Variants in COL26A1 observed in about 807,000 individuals in gnomAD.
COL26A1 encodes collagen alpha-1(XXVI) chain.
Under a neutral mutation model 59.3 loss-of-function variants are expected in COL26A1, and 41 were observed. That is an observed-to-expected ratio of 0.69 (90% CI 0.54 to 0.90). The LOEUF (loss-of-function observed/expected upper bound fraction) is 0.90, where lower values mean the gene tolerates loss of function less well. Ranked by LOEUF, COL26A1 falls within the 40% of genes least tolerant of loss-of-function variation. The pLI, the probability that COL26A1 is intolerant of heterozygous loss-of-function variation, is 0.00. For missense variants in COL26A1, 612 were observed against 602.3 expected (o/e 1.02, Z -0.17); for synonymous variants, 266 against 256.0 (o/e 1.04, Z -0.37).
chr7:101,516,751 C>A (rs188379193), intron 3 of COL26A1, among the ~76,000 whole-genome samples: 1 of 152,104 alleles, frequency 6.6e-6, no homozygotes, highest in Non-Finnish European at 1.5e-5. Flanking sequence ...CACAGCGTGT[C>A]GGGGGCAGGG....
At chr7:101,501,217 G>GAAAAA (rs111556828) in intron 3 of COL26A1, among the ~76,000 whole-genome samples, 111 of 112,672 alleles carry the variant, frequency 9.9e-4, no homozygotes, top group East Asian at 4.7e-3. Flanking sequence ...GAAAAGAAAA[G>GAAAAA]AAAAAAAAAA....
At chr7:101,546,223 C>A (rs17135611) in intron 7 of COL26A1, among the ~76,000 whole-genome samples, 1 of 151,994 alleles carries the variant, frequency 6.6e-6, no homozygotes, top group Non-Finnish European at 1.5e-5. Flanking sequence ...TTAAGTGTCC[C>A]GGCAACTGGG....
chr7:101,400,153 G>A (rs913641482), intron 1 of COL26A1, among the ~76,000 whole-genome samples: 8 of 152,106 alleles, frequency 5.3e-5, no homozygotes, highest in Admixed American at 2.0e-4. Context: ...GGCCCTCAGG[G>A]AGGCAGGGGT....
intron 1 of COL26A1, among the ~76,000 whole-genome samples, chr7:101,416,842 C>T (rs927330358): frequency 4.2e-5 from 6 of 143,210 alleles, no homozygotes; most frequent in Non-Finnish European, 7.9e-5. Context: ...TGTGCTCCAG[C>T]GATCCTCCTG....
At chr7:101,421,502 C>G (rs1286259609) in intron 2 of COL26A1, among the ~76,000 whole-genome samples, 2 of 152,036 alleles carry the variant, frequency 1.3e-5, no homozygotes, top group Admixed American at 1.3e-4. Context: ...TGGCGAAACC[C>G]AGTTTCTACT....
At chr7:101,446,788 A>C (rs1334571534) in intron 2 of COL26A1, among the ~76,000 whole-genome samples, 3 of 151,940 alleles carry the variant, frequency 2.0e-5, no homozygotes, top group Non-Finnish European at 4.4e-5. Flanking sequence ...CAGAGGTTGC[A>C]GTGAGCCCAG....
intron 1 of COL26A1, among the ~76,000 whole-genome samples, chr7:101,391,837 G>C (rs543465873): frequency 1.9e-4 from 29 of 150,620 alleles, no homozygotes; most frequent in South Asian, 6.3e-4. Flanking sequence ...TTATAGGCAT[G>C]AGCCACCATG....
intron 3 of COL26A1, among the ~76,000 whole-genome samples, chr7:101,503,303 C>T (rs1563015983): frequency 6.6e-6 from 1 of 152,172 alleles, no homozygotes; most frequent in Non-Finnish European, 1.5e-5. Context: ...ATATAAACAG[C>T]ACTTCTCAAA....
intron 2 of COL26A1, among the ~76,000 whole-genome samples, chr7:101,424,006 C>G (rs1401658467): frequency 6.6e-6 from 1 of 151,596 alleles, no homozygotes; most frequent in Non-Finnish European, 1.5e-5. Context: ...GAGCTCGAGA[C>G]CAGCCTGGGC....
chr7:101,412,424 C>G (rs1345232413), intron 1 of COL26A1, among the ~76,000 whole-genome samples: 1 of 152,074 alleles, frequency 6.6e-6, no homozygotes, highest in African/African-American at 2.4e-5. Context: ...GCGGGCAGAT[C>G]ATTTGAGGTC....
chr7:101,518,683 A>C (rs1795080462), intron 3 of COL26A1, among the ~76,000 whole-genome samples: 1 of 152,224 alleles, frequency 6.6e-6, no homozygotes, highest in African/African-American at 2.4e-5. Context: ...AAATCCACCC[A>C]AGAGAAGCAA....
At chr7:101,384,214 T>C (rs1791512823) in intron 1 of COL26A1, among the ~76,000 whole-genome samples, 1 of 149,178 alleles carries the variant, frequency 6.7e-6, no homozygotes, top group Middle Eastern at 3.5e-3. Context: ...GGGGTCTTCC[T>C]ATATTGTTCA....
intron 3 of COL26A1, among the ~76,000 whole-genome samples, chr7:101,457,663 C>G (rs903457832): frequency 1.3e-5 from 2 of 152,200 alleles, no homozygotes; most frequent in African/African-American, 2.4e-5. Context: ...GGCAGTTTCA[C>G]TAGAAAGCAC....
rs28600854 is a variant in COL26A1 at position 101,444,982 on chromosome 7, A to G, written c.282-2702A>G. Among the ~76,000 whole-genome samples, 199 of 151,902 alleles carry G rather than the reference A, an allele frequency of 1.3e-3. 1 individual carries two copies. Among genetic ancestry groups the G allele is most frequent in the African/African-American group, 4.5e-3 (188 of 41,424 alleles). The stretch of plus-strand genomic sequence containing the variant: ...CAGCCTCCTGAGTAGCTGGGACTAC[A>G]GGTGCCTGCCATCATGCCTGGCTAA... On this transcript the variant is annotated intron_variant, in intron 2 of 12. Transcript: ENST00000313669.
intron 3 of COL26A1, among the ~76,000 whole-genome samples, chr7:101,485,491 G>A (rs928070952): frequency 4.6e-5 from 7 of 152,184 alleles, no homozygotes; most frequent in African/African-American, 2.4e-5. Context: ...ACGCTTGTGA[G>A]CTAATGGACC....
chr7:101,467,863 T>C (rs567388771), intron 3 of COL26A1, among the ~76,000 whole-genome samples: 3 of 151,858 alleles, frequency 2.0e-5, no homozygotes, highest in Non-Finnish European at 4.4e-5. Context: ...CGAGACTCCG[T>C]CTCAAAAGAA....
At chr7:101,471,958 G>A (rs1050439797) in intron 3 of COL26A1, among the ~76,000 whole-genome samples, 1 of 151,688 alleles carries the variant, frequency 6.6e-6, no homozygotes. Flanking sequence ...ATTCTCTTGT[G>A]TAACTGTTGA....
intron 1 of COL26A1, among the ~76,000 whole-genome samples, chr7:101,385,735 C>T (rs1047081576): frequency 6.6e-6 from 1 of 151,370 alleles, no homozygotes; most frequent in Non-Finnish European, 1.5e-5. Flanking sequence ...TTTTGAGTCT[C>T]ACTCTGTCGC....
chr7:101,522,072 C>T (rs902139762), intron 3 of COL26A1, among the ~76,000 whole-genome samples: 4 of 152,136 alleles, frequency 2.6e-5, no homozygotes, highest in African/African-American at 9.7e-5. Flanking sequence ...CTGCCATGAA[C>T]GTTCTTGTGC....
Sources: gnomAD v4.1 joint callset for allele counts (sites outside exome capture counted in the v4.1 genomes callset) on GRCh38, gnomAD v4.1.1 for gene constraint, MANE v1.5 for transcripts, NCBI Gene and HGNC (gene_info 2026-07-23, HGNC 2026-07-21) for gene names.